PANK1: variants seen among roughly 807,000 people sequenced by gnomAD.
PANK1 encodes the protein pantothenic acid kinase 1.
PANK1 carries 18 observed loss-of-function variants against 40.1 expected under a neutral mutation model. That is an observed-to-expected ratio of 0.45 (90% CI 0.31 to 0.67). The LOEUF is 0.67. PANK1 is among the 30% of genes least tolerant of loss of function. The pLI is 0.06. For synonymous variants in PANK1, 242 were observed against 237.7 expected, an observed-to-expected ratio of 1.02 and a Z score of -0.17; for missense variants, 457 against 599.6, an observed-to-expected ratio of 0.76 and a Z score of 2.48.
intron 5 of PANK1, among the ~76,000 whole-genome samples, chr10:89,589,320 T>C (rs913934621): frequency 2.0e-5 from 3 of 152,162 alleles, no homozygotes; most frequent in Non-Finnish European, 2.9e-5. Context: ...ACACATGAGT[T>C]AAAATATGGT....
chr10:89,610,255 C>G (rs1039239495), intron 2 of PANK1, among the ~76,000 whole-genome samples: 11 of 152,168 alleles, frequency 7.2e-5, no homozygotes, highest in African/African-American at 2.2e-4. Flanking sequence ...AGTCACCCAG[C>G]TGATGAAATG....
intron 2 of PANK1, among the ~76,000 whole-genome samples, chr10:89,602,350 G>A (rs7917591): frequency 1.3e-5 from 2 of 152,052 alleles, no homozygotes; most frequent in African/African-American, 4.8e-5. Flanking sequence ...TTCACTGAGG[G>A]GTGGATATCT....
Position 89,592,993 on chromosome 10 carries a change from T to C in PANK1, c.1200+204A>G, listed in dbSNP as rs111642895. On this transcript the variant is annotated intron_variant, in intron 5 of 6. Transcript: ENST00000307534. ...CCACAGGTGAATGGTTTATCATTCA[T>C]TATCATCCAGTGCCTTCTTAAAAAT... Among the ~76,000 whole-genome samples the C allele has an allele frequency of 0.02, 2,977 of 152,346 alleles. 102 individuals carry two copies. The highest frequency in any genetic ancestry group is 0.067 in the African/African-American group (2,802 of 41,558).
intron 1 of PANK1, among the ~76,000 whole-genome samples, chr10:89,628,452 A>G (rs1332495190): frequency 3.3e-5 from 5 of 152,088 alleles, no homozygotes; most frequent in African/African-American, 1.2e-4. Context: ...ATATGATTTC[A>G]CTCATTTGAA....
chr10:89,645,213 T>C lies in PANK1; in HGVS notation c.-322A>G. The C allele has an allele frequency of 6.3e-7, 1 of 1,598,960 alleles. No homozygotes were observed. Among genetic ancestry groups the C allele is most frequent in the South Asian group, 1.1e-5 (1 of 90,174 alleles). On this transcript the variant is annotated 5_prime_UTR_variant, in exon 1 of 7. Coordinates refer to ENST00000307534, the MANE Select transcript of PANK1 (RefSeq NM_148977.3). Reference sequence around the variant, plus strand: ...TCCCCTGATCCCCAGGCCGCGCGACTTCAAACGCGGCTTCCTCGCCTCCCA... The same window carrying C: ...TCCCCTGATCCCCAGGCCGCGCGACCTCAAACGCGGCTTCCTCGCCTCCCA...
At chr10:89,624,358 A>G (rs1845597403) in intron 1 of PANK1, among the ~76,000 whole-genome samples, 1 of 152,260 alleles carries the variant, frequency 6.6e-6, no homozygotes, top group Non-Finnish European at 1.5e-5. Flanking sequence ...AATTTACTAT[A>G]TAATATTAAT....
chr10:89,606,216 G>T lies in PANK1; in HGVS notation c.645+5480C>A, dbSNP rs11185783. 9.5e-4 allele frequency among the ~76,000 whole-genome samples: 145 copies of T among 152,192 alleles called. 2 individuals carry two copies. Among genetic ancestry groups the T allele is most frequent in the Admixed American group, 8.0e-3 (123 of 15,298 alleles). ...GCGTCGGCTTCAACTTCAAGTCACC[G>T]GCTGCATTAGCCCTTAACAAGAGAG... On this transcript the variant is annotated intron_variant, in intron 2 of 6. Transcript: ENST00000307534.
chr10:89,605,193 G>A (rs1219360589), intron 2 of PANK1, among the ~76,000 whole-genome samples: 1 of 152,198 alleles, frequency 6.6e-6, no homozygotes, highest in African/African-American at 2.4e-5. Flanking sequence ...GAGAGCTGCT[G>A]ACTAATCAAA....
At chr10:89,618,474 G>A (rs771293009) in intron 1 of PANK1, among the ~76,000 whole-genome samples, 2 of 152,170 alleles carry the variant, frequency 1.3e-5, no homozygotes, top group African/African-American at 2.4e-5. Context: ...ACTGTGCTGG[G>A]TGAGACTTTG....
At chr10:89,616,066 T>A (rs1022104013) in intron 1 of PANK1, among the ~76,000 whole-genome samples, 4 of 152,226 alleles carry the variant, frequency 2.6e-5, no homozygotes, top group Non-Finnish European at 4.4e-5. Context: ...TTACTCCTCC[T>A]TAAACCAGAT....
intron 1 of PANK1, among the ~76,000 whole-genome samples, chr10:89,613,007 A>G (rs548619306): frequency 6.6e-5 from 10 of 152,352 alleles, no homozygotes; most frequent in African/African-American, 2.4e-4. Context: ...TGTGATGCTT[A>G]TCTATGACAA....
At chr10:89,618,784 T>G (rs549742722) in intron 1 of PANK1, among the ~76,000 whole-genome samples, 1 of 152,358 alleles carries the variant, frequency 6.6e-6, no homozygotes, top group Non-Finnish European at 1.5e-5. Context: ...CCAGATTCTT[T>G]CTGTTACCTT....
intron 5 of PANK1, 60 bp from the exon 6 acceptor site, chr10:89,588,837 A>G: frequency 7.7e-7 from 1 of 1,298,798 alleles, no homozygotes; most frequent in Non-Finnish European, 1.1e-6. Flanking sequence ...TTTGGCAAAG[A>G]CCCAATGTTC....
At chr10:89,597,297 A>C (rs911827914) in intron 3 of PANK1, among the ~76,000 whole-genome samples, 1 of 152,158 alleles carries the variant, frequency 6.6e-6, no homozygotes, top group African/African-American at 2.4e-5. Flanking sequence ...ATTAAAAGAA[A>C]CCTTTGGCAA....
At chr10:89,605,281 ACT>A (rs1844927515) in intron 2 of PANK1, among the ~76,000 whole-genome samples, 1 of 151,232 alleles carries the variant, frequency 6.6e-6, no homozygotes, top group African/African-American at 2.4e-5. Flanking sequence ...GCATTGGTTG[ACT>A]CTTCTTTTCA....
chr10:89,595,366 G>A (rs1328290059), intron 3 of PANK1, among the ~76,000 whole-genome samples: 1 of 152,090 alleles, frequency 6.6e-6, no homozygotes, highest in African/African-American at 2.4e-5. Flanking sequence ...AAGGAGAATT[G>A]CTTGAACCCA....
At chr10:89,582,393 G>A (rs753877728), downstream of PANK1, 5 of 152,136 alleles carry the variant, frequency 3.3e-5, no homozygotes, top group African/African-American at 7.2e-5. Context: ...ACATTTAACT[G>A]ATATTTGTAT....
intron 1 of PANK1, among the ~76,000 whole-genome samples, chr10:89,641,650 T>G (rs7091847): frequency 0.33 from 50,733 of 151,860 alleles, 9,385 homozygotes; most frequent in African/African-American, 0.49. Context: ...GAGAATGGCG[T>G]GAAGCCAGGA....
At chr10:89,617,380 G>A (rs1371756000) in intron 1 of PANK1, among the ~76,000 whole-genome samples, 1 of 152,190 alleles carries the variant, frequency 6.6e-6, no homozygotes, top group Non-Finnish European at 1.5e-5. Flanking sequence ...AGAATGAGCA[G>A]ATCTAGTGAA....
Sources: gnomAD v4.1 joint callset for allele counts (sites outside exome capture counted in the v4.1 genomes callset) on GRCh38, gnomAD v4.1.1 for gene constraint, MANE v1.5 for transcripts, NCBI Gene and HGNC (gene_info 2026-07-23, HGNC 2026-07-21) for gene names.